The following SMC5 variants were observed in gnomAD, a reference collection of about 807,000 sequenced individuals.
The protein encoded by SMC5 is structural maintenance of chromosomes protein 5.
In SMC5, 88 loss-of-function variants were observed where a neutral mutation model predicts 148.3. That is an observed-to-expected ratio of 0.59 (90% confidence interval 0.50 to 0.71). SMC5 has a LOEUF of 0.71. Ranked by LOEUF, SMC5 falls within the 30% of genes least tolerant of loss-of-function variation. SMC5 has a pLI of 0.00. For missense variants in SMC5, 1,142 were observed against 1,298.9 expected, an observed-to-expected ratio of 0.88 and a Z score of 1.86; for synonymous variants, 421 against 432.8, an observed-to-expected ratio of 0.97 and a Z score of 0.34.
intron 22 of SMC5, among the ~76,000 whole-genome samples, chr9:70,349,222 A>T (rs764723172): frequency 4.9e-4 from 74 of 152,234 alleles, no homozygotes; most frequent in Non-Finnish European, 9.7e-4. Context: ...GCCTGCCACC[A>T]TGCCCGGCTA....
intron 15 of SMC5, among the ~76,000 whole-genome samples, chr9:70,319,971 G>A (rs1245594937): frequency 6.6e-6 from 1 of 151,990 alleles, no homozygotes; most frequent in African/African-American, 2.4e-5. Context: ...CTTTATCATT[G>A]GCAACAAATA....
Position 70,353,962 on chromosome 9 carries a change from A to G in SMC5, c.*1631A>G, listed in dbSNP as rs1381580727. 6.6e-6 allele frequency: 1 copy of G among 152,182 alleles called. No homozygotes were observed. Among genetic ancestry groups the G allele is most frequent in the Admixed American group, 6.5e-5 (1 of 15,278 alleles). 9.4% of individuals were successfully genotyped at this position (152,182 alleles called of 1,614,324 possible). ...AGTACCAGTCATCTTATTTCTGCAA[A>G]ATGAGTATCAATGTGAAAAAGACAC... On this transcript the variant is annotated 3_prime_UTR_variant, in exon 25 of 25. Transcript: ENST00000361138.
chr9:70,303,244 A>G (rs1196688806), intron 10 of SMC5, among the ~76,000 whole-genome samples: 2 of 151,862 alleles, frequency 1.3e-5, no homozygotes, highest in Non-Finnish European at 2.9e-5. Context: ...TAGAAAAAAA[A>G]AAACAATACA....
At chr9:70,276,482 G>T (rs1564025305) in intron 3 of SMC5, among the ~76,000 whole-genome samples, 1 of 152,070 alleles carries the variant, frequency 6.6e-6, no homozygotes, top group Admixed American at 6.5e-5. Context: ...ATCAGTAAGG[G>T]TACTTTATTA....
intron 3 of SMC5, among the ~76,000 whole-genome samples, chr9:70,271,292 G>C (rs957272069): frequency 1.3e-5 from 2 of 152,004 alleles, no homozygotes; most frequent in African/African-American, 2.4e-5. Context: ...GATAAATTTA[G>C]AGCTTTACCT....
intron 11 of SMC5, among the ~76,000 whole-genome samples, chr9:70,313,674 AT>A (rs2035719366): frequency 6.6e-6 from 1 of 151,790 alleles, no homozygotes. Flanking sequence ...ATTTTTTTGT[AT>A]TTTTAGTAGA....
chr9:70,286,152 T>G lies in SMC5; in HGVS notation c.982-48T>G, dbSNP rs138255284. The stretch of plus-strand genomic sequence containing the variant: ...GGCAGGGCCATATAATTTGCTTGCA[T>G]GAGTTTTTAACTAGCTGTCCCCCCC... On this transcript the variant is annotated intron_variant, in intron 7 of 24. Coordinates refer to ENST00000361138, the MANE Select transcript of SMC5 (RefSeq NM_015110.4). 4.0e-6 allele frequency: 5 copies of G among 1,248,656 alleles called. No individual in the cohort carries two copies. The African/African-American group carries it at 7.4e-5, about 19-fold the overall frequency. The allele number at this position is 1,248,656 out of a possible 1,614,324, so 77.3% of individuals were successfully genotyped here.
chr9:70,264,433 A>C lies in SMC5; in HGVS notation c.315A>C (p.Gly105=), dbSNP rs748096495. 2 of 1,613,798 alleles carry C rather than the reference A, an allele frequency of 1.2e-6. No homozygotes were observed. The highest frequency in any genetic ancestry group is 2.7e-5 in the African/African-American group (2 of 74,936). The part of the protein sequence containing the change: ...LGLAGKPAFM[G]RADKVGFFVK... ...TAGCTGGAAAACCTGCTTTCATGGGACGAGCAGATAAGGTGAGTTAATATA... is the reference window on the plus strand; with the variant it reads ...TAGCTGGAAAACCTGCTTTCATGGGCCGAGCAGATAAGGTGAGTTAATATA... Residue 105 remains glycine (G), a synonymous_variant, in exon 2 of 25, where the codon GGA becomes GGC. Coordinates refer to ENST00000361138, the MANE Select transcript of SMC5 (RefSeq NM_015110.4).
chr9:70,259,311 G>C (rs2034024184), intron 1 of SMC5, 48 bp downstream of exon 1: 1 of 1,504,916 alleles, frequency 6.6e-7, no homozygotes, highest in Non-Finnish European at 8.9e-7. Context: ...GTGCTGGCCA[G>C]CAGGCCCCGG....
At chr9:70,299,232 A>T (rs948728786) in intron 9 of SMC5, among the ~76,000 whole-genome samples, 1 of 152,088 alleles carries the variant, frequency 6.6e-6, no homozygotes, top group Admixed American at 6.6e-5. Flanking sequence ...GAAGTTTAGA[A>T]ATACTAAGTA....
At position 70,269,874 on chromosome 9, in the gene SMC5, A is replaced by C. The variant is rs550033290; in HGVS notation, c.380+1899A>C. Among the ~76,000 whole-genome samples the C allele has an allele frequency of 5.9e-5, 9 of 152,378 alleles. No individual in the cohort carries two copies. The South Asian group carries it at 8.3e-4, about 14-fold the overall frequency. Reference sequence around the variant, plus strand: ...AAACCAGGAACAGATCGAAATGTACATGAGAACTTATTATAAAAGTGGCAG... The same window carrying C: ...AAACCAGGAACAGATCGAAATGTACCTGAGAACTTATTATAAAAGTGGCAG... On this transcript the variant is annotated intron_variant, in intron 3 of 24. Coordinates refer to ENST00000361138, the MANE Select transcript of SMC5 (RefSeq NM_015110.4).
At chr9:70,348,190 G>T in intron 22 of SMC5, 152 bp downstream of exon 22, 2 of 729,354 alleles carry the variant, frequency 2.7e-6, no homozygotes, top group Non-Finnish European at 2.1e-6. Flanking sequence ...CCACCTGTGG[G>T]ATTCCATTAG....
At chr9:70,299,497 C>A (rs926004954) in intron 9 of SMC5, among the ~76,000 whole-genome samples, 1 of 151,960 alleles carries the variant, frequency 6.6e-6, no homozygotes, top group Admixed American at 6.6e-5. Context: ...TTCTCTCGTG[C>A]CTTTTCTGTG....
chr9:70,274,345 T>C (rs1183579459), intron 3 of SMC5, among the ~76,000 whole-genome samples: 1 of 152,156 alleles, frequency 6.6e-6, no homozygotes, highest in Non-Finnish European at 1.5e-5. Flanking sequence ...CCTCCCAAAG[T>C]GCTGGGATTA....
At chr9:70,308,762 A>G (rs2035577889) in intron 11 of SMC5, among the ~76,000 whole-genome samples, 1 of 151,928 alleles carries the variant, frequency 6.6e-6, no homozygotes, top group East Asian at 1.9e-4. Context: ...TTTAAAATAT[A>G]TTTTTTACAC....
chr9:70,334,447 G>A (rs1269866614), intron 17 of SMC5, among the ~76,000 whole-genome samples: 1 of 152,120 alleles, frequency 6.6e-6, no homozygotes, highest in African/African-American at 2.4e-5. Flanking sequence ...TTCGGTAGAT[G>A]CCATTACAAA....
At chr9:70,281,290 C>A (rs1036809867) in intron 6 of SMC5, among the ~76,000 whole-genome samples, 1 of 152,130 alleles carries the variant, frequency 6.6e-6, no homozygotes, top group African/African-American at 2.4e-5. Context: ...GATCTGCCCC[C>A]CTCGGCCTCC....
At chr9:70,259,369 G>C (rs1488799181) in intron 1 of SMC5, 106 bp downstream of exon 1, 2 of 1,228,064 alleles carry the variant, frequency 1.6e-6, no homozygotes, top group East Asian at 5.3e-5. Flanking sequence ...TACCTGGCTT[G>C]TGGGTCTGGC....
chr9:70,281,420 C>G (rs777771246), intron 6 of SMC5, among the ~76,000 whole-genome samples: 1 of 152,156 alleles, frequency 6.6e-6, no homozygotes, highest in African/African-American at 2.4e-5. Flanking sequence ...GCTCTTAATT[C>G]TTCCACATTT....
Sources: gnomAD v4.1 joint callset for allele counts (sites outside exome capture counted in the v4.1 genomes callset) on GRCh38, gnomAD v4.1.1 for gene constraint, MANE v1.5 for transcripts, NCBI Gene and HGNC (gene_info 2026-07-23, HGNC 2026-07-21) for gene names.